Variants in COL3A1 observed in about 807,000 individuals in gnomAD.
The protein encoded by COL3A1 is collagen type III alpha 1 chain, also known as collagen alpha-1(III) chain.
Under a neutral mutation model 200.9 loss-of-function variants are expected in COL3A1, and 46 were observed. That is an observed-to-expected ratio of 0.23 (90% CI 0.18 to 0.29). COL3A1 has a LOEUF of 0.29. Ranked by LOEUF, COL3A1 falls within the 10% of genes least tolerant of loss-of-function variation. The probability of loss-of-function intolerance (pLI) is 1.00; values close to 1 mark genes in which losing one functional copy is unlikely to be tolerated. For synonymous variants in COL3A1, 650 were observed against 628.0 expected (o/e 1.03, Z -0.52); for missense variants, 1,367 against 1,917.6 (o/e 0.71, Z 5.36).
Position 188,988,595 on chromosome 2 carries a change from T to C in COL3A1, c.588T>C (p.Ser196=), listed in dbSNP as rs754708730. 1 of 1,603,104 alleles carries C rather than the reference T, an allele frequency of 6.2e-7. No homozygotes were observed. The highest frequency in any genetic ancestry group is 1.1e-5 in the South Asian group (1 of 90,628). ...GTSGHPGSPG[S]PGYQGPPGEP... The stretch of plus-strand genomic sequence containing the variant: ...TTACATATTCTACTCACTAGGGATC[T>C]CCAGGATACCAAGGACCCCCTGGTG... The change falls in exon 7 of 51, where the codon TCT becomes TCC. Residue 196 remains serine (S), a synonymous_variant. Coordinates refer to ENST00000304636, the MANE Select transcript of COL3A1 (RefSeq NM_000090.4).
At chr2:188,990,775 T>G (rs552576853) in intron 10 of COL3A1, among the ~76,000 whole-genome samples, 1 of 152,324 alleles carries the variant, frequency 6.6e-6, no homozygotes, top group Admixed American at 6.5e-5. Context: ...ACTCTATAGT[T>G]AAGGCAACTT....
intron 1 of COL3A1, among the ~76,000 whole-genome samples, chr2:188,981,182 C>T (rs1196806156): frequency 2.6e-5 from 4 of 151,398 alleles, no homozygotes; most frequent in African/African-American, 4.8e-5. Context: ...AAGCTTTATG[C>T]ACATCTAAAA....
At chr2:189,010,939 G>C (rs1302176377) in intron 50 of COL3A1, 49 bp downstream of exon 50, 40 of 1,608,116 alleles carry the variant, frequency 2.5e-5, no homozygotes, top group Non-Finnish European at 3.4e-5. Context: ...CAGCATTTTA[G>C]TTTAATCATG....
At chr2:189,008,521 A>G (rs1243750774) in intron 47 of COL3A1, 1 of 394,256 alleles carries the variant, frequency 2.5e-6, no homozygotes, top group Non-Finnish European at 4.7e-6. Flanking sequence ...TTTGTTAATG[A>G]TACTATCATT....
In COL3A1 at chr2:189,006,369, C is replaced by G; in HGVS notation, c.3118C>G (p.Pro1040Ala). The G allele has an allele frequency of 6.2e-7, 1 of 1,614,164 alleles. No individual in the cohort carries two copies. Among genetic ancestry groups the G allele is most frequent in the Non-Finnish European group, 8.5e-7 (1 of 1,180,018 alleles). Reference sequence around the variant, plus strand: ...GGGTGATCGTGGTGAAAATGGCTCTCCTGGTGCCCCTGGCGCTCCTGGTCA... The same window carrying G: ...GGGTGATCGTGGTGAAAATGGCTCTGCTGGTGCCCCTGGCGCTCCTGGTCA... ...GKGDRGENGSPGAPGAPGHPG... is the reference protein window; with the variant it reads ...GKGDRGENGSAGAPGAPGHPG... Residue 1040 changes from proline to alanine, a missense_variant, in exon 43 of 51, where the codon CCT (proline) becomes GCT (alanine). This residue lies in a region of COL3A1 where 846 missense variants were observed against 1,147.9 expected (regional missense o/e 0.74). Transcript: ENST00000304636.
intron 5 of COL3A1, among the ~76,000 whole-genome samples, chr2:188,987,632 T>A (rs1453449756): frequency 6.6e-6 from 1 of 152,110 alleles, no homozygotes; most frequent in Non-Finnish European, 1.5e-5. Flanking sequence ...ATCAACATAA[T>A]TATGGGACTT....
At chr2:189,010,986 A>G (rs1688712184) in intron 50 of COL3A1, 96 bp downstream of exon 50, 1 of 1,482,904 alleles carries the variant, frequency 6.7e-7, no homozygotes, top group Admixed American at 1.7e-5. Context: ...AATTAATAGG[A>G]TGAAATAAAG....
intron 35 of COL3A1, 41 bp downstream of exon 35, chr2:189,002,392 G>T (rs758865393): frequency 9.5e-6 from 15 of 1,575,648 alleles, no homozygotes; most frequent in Admixed American, 3.3e-5. Flanking sequence ...CATAGCCCAG[G>T]ATCTCTATCT....
At chr2:189,000,818 C>T (rs1236278284) in intron 32 of COL3A1, among the ~76,000 whole-genome samples, 1 of 151,862 alleles carries the variant, frequency 6.6e-6, no homozygotes, top group Non-Finnish European at 1.5e-5. Context: ...AAAAACAAAA[C>T]AAAAAACATC....
chr2:188,994,673 A>T lies in COL3A1; in HGVS notation c.1348-51A>T, dbSNP rs773480979. 6.2e-7 allele frequency: 1 copy of T among 1,612,266 alleles called. No individual in the cohort carries two copies. Among genetic ancestry groups the T allele is most frequent in the South Asian group, 1.1e-5 (1 of 90,984 alleles). The stretch of plus-strand genomic sequence containing the variant: ...AGAAAGTAAACAGGTAAAAACTTTG[A>T]ACTAAATTCAGTCATAATTTCTTTA... On this transcript the variant is annotated intron_variant, in intron 19 of 50. Transcript: ENST00000304636. The surrounding 1 kb of genome is among the most constrained non-coding windows in gnomAD (Gnocchi z 4.5).
chr2:188,986,646 T>C (rs1688070702), intron 4 of COL3A1, among the ~76,000 whole-genome samples: 1 of 152,054 alleles, frequency 6.6e-6, no homozygotes, highest in African/African-American at 2.4e-5. Context: ...TATCATTAAG[T>C]GTTTGAAAAA....
intron 8 of COL3A1, 53 bp downstream of exon 8, chr2:188,989,502 C>A: frequency 7.7e-7 from 1 of 1,306,458 alleles, no homozygotes; most frequent in Non-Finnish European, 1.1e-6. Context: ...TTGGTGTATT[C>A]TAAACAGTAT....
Position 188,988,529 on chromosome 2 carries a change from TGTAA to T in COL3A1, c.583-60_583-57del, listed in dbSNP as rs1576462344. ...CAATCCTGATTTCTTACTGTCAAGATGTAAATGAATTATATGAAGATTTTGTTAC... is the reference window on the plus strand; with the variant it reads ...CAATCCTGATTTCTTACTGTCAAGATATGAATTATATGAAGATTTTGTTAC... On this transcript the variant is annotated intron_variant, in intron 6 of 50. Coordinates refer to ENST00000304636, the MANE Select transcript of COL3A1 (RefSeq NM_000090.4). 41 of 1,168,618 alleles carry T rather than the reference TGTAA, an allele frequency of 3.5e-5. No individual in the cohort carries two copies. In the East Asian group the frequency reaches 1.0e-3, roughly 29 times the overall value. 72.4% of individuals were successfully genotyped at this position (1,168,618 alleles called of 1,614,324 possible). A position where few individuals can be genotyped will look rare whatever the true frequency, so the allele number is the denominator to read the frequency against.
intron 8 of COL3A1, among the ~76,000 whole-genome samples, chr2:188,989,827 C>T (rs1688148380): frequency 6.6e-6 from 1 of 151,994 alleles, no homozygotes; most frequent in Non-Finnish European, 1.5e-5. Context: ...TCCTTCTTTC[C>T]CTCTTAATCT....
intron 1 of COL3A1, among the ~76,000 whole-genome samples, chr2:188,977,220 AG>A (rs1169091101): frequency 6.6e-6 from 1 of 152,144 alleles, no homozygotes; most frequent in African/African-American, 2.4e-5. Context: ...GATTATAGAC[AG>A]CTGTTACTAA....
rs528906175 is a variant in COL3A1, at chr2:189,007,035, T to C, written c.3255+45T>C. ...GGTTTTATTTTGTTTTGTTCTTTTT[T>C]TAACTCATTCTACAGTGTAGGAAAT... On this transcript the variant is annotated intron_variant, in intron 44 of 50. Coordinates refer to ENST00000304636, the MANE Select transcript of COL3A1 (RefSeq NM_000090.4). 3.7e-5 allele frequency: 57 copies of C among 1,538,390 alleles called. No homozygotes were observed. In the African/African-American group the frequency reaches 7.3e-4, roughly 20 times the overall value.
chr2:188,997,294 AATCTGT>A, intron 25 of COL3A1, 36 bp from the exon 26 acceptor site: 1 of 1,612,730 alleles, frequency 6.2e-7, no homozygotes, highest in South Asian at 1.1e-5. Context: ...TTCTCTCTGT[AATCTGT>A]ATTATTTCTA....
intron 34 of COL3A1, 138 bp from the exon 35 acceptor site, chr2:189,002,160 A>C: frequency 1.4e-6 from 1 of 728,426 alleles, no homozygotes; most frequent in Admixed American, 2.1e-5. Flanking sequence ...GAAGTGGCAA[A>C]GTCTTCAGAA....
chr2:188,981,976 A>G (rs1036786058), intron 1 of COL3A1, among the ~76,000 whole-genome samples: 6 of 151,704 alleles, frequency 4.0e-5, no homozygotes, highest in Middle Eastern at 3.2e-3. Flanking sequence ...AGCCAAATTT[A>G]TTTCAAGTGG....
Sources: allele counts gnomAD v4.1 joint callset (sites outside exome capture counted in the v4.1 genomes callset), GRCh38; gene constraint gnomAD v4.1.1; regional missense constraint gnomAD v4.1.1; non-coding constraint Gnocchi (gnomAD v3.1); transcripts MANE v1.5; gene names NCBI Gene and HGNC (gene_info 2026-07-23, HGNC 2026-07-21).